The following SLC13A3 variants were observed in gnomAD, a reference collection of about 807,000 sequenced individuals.
The protein encoded by SLC13A3 is solute carrier family 13 member 3.
SLC13A3 carries 40 observed loss-of-function variants against 59.0 expected under a neutral mutation model. The observed-to-expected ratio is 0.68, with a 90% CI of 0.53 to 0.88. The LOEUF is 0.88. SLC13A3 is among the 40% of genes least tolerant of loss of function. The pLI is 0.00. For missense variants in SLC13A3, 699 were observed against 783.2 expected, an observed-to-expected ratio of 0.89 and a Z score of 1.28; for synonymous variants, 317 against 330.3, an observed-to-expected ratio of 0.96 and a Z score of 0.44.
chr20:46,657,925 C>T (rs1739413344), intron 1 of SLC13A3, among the ~76,000 whole-genome samples: 1 of 152,146 alleles, frequency 6.6e-6, no homozygotes, highest in Non-Finnish European at 1.5e-5. Context: ...CCAAACACTT[C>T]CCACCAGGCC....
Position 46,584,134 on chromosome 20 carries a change from C to T in SLC13A3, c.1122-465G>A, listed in dbSNP as rs140916686. On this transcript the variant is annotated intron_variant, in intron 8 of 12. Coordinates refer to ENST00000279027, the MANE Select transcript of SLC13A3 (RefSeq NM_022829.6). Reference sequence around the variant, plus strand: ...CCCAGATTGACCCAGCCTCTTGGCCCCTCAAAACCTAACTGTCACGTTTCA... The same window carrying T: ...CCCAGATTGACCCAGCCTCTTGGCCTCTCAAAACCTAACTGTCACGTTTCA... 13 of 985,296 alleles carry T rather than the reference C, an allele frequency of 1.3e-5. No individual in the cohort carries two copies. The East Asian group carries it at 1.4e-3, about 104-fold the overall frequency. 61.0% of individuals were successfully genotyped at this position (985,296 alleles called of 1,614,324 possible). A position where few individuals can be genotyped will look rare whatever the true frequency, so the allele number is the denominator to read the frequency against.
chr20:46,625,327 T>G (rs148159752), intron 1 of SLC13A3, among the ~76,000 whole-genome samples: 171 of 152,304 alleles, frequency 1.1e-3, no homozygotes, highest in African/African-American at 3.9e-3. Context: ...AGACCATGTT[T>G]GTGTATTAAA....
At position 46,566,446 on chromosome 20, in the gene SLC13A3, C is replaced by G. The variant is rs537824828; in HGVS notation, c.1333-56G>C. 7 of 1,573,230 alleles carry G rather than the reference C, an allele frequency of 4.4e-6. No homozygotes were observed. In the Admixed American group the frequency reaches 6.9e-5, roughly 16 times the overall value. On this transcript the variant is annotated intron_variant, in intron 10 of 12. Transcript: ENST00000279027. ...CAGCCCATCCCCAGCTGCCGCCCCC[C>G]AGAGAGGGTTAGGATAGATCACAAC...
intron 9 of SLC13A3, among the ~76,000 whole-genome samples, chr20:46,581,170 C>T (rs1297542735): frequency 3.3e-5 from 5 of 152,184 alleles, no homozygotes; most frequent in Non-Finnish European, 7.3e-5. Flanking sequence ...CAAGAACCCT[C>T]CCAGACTAAG....
At chr20:46,655,510 T>C (rs757179043), upstream of SLC13A3, among the ~76,000 whole-genome samples, 24 of 147,732 alleles carry the variant, frequency 1.6e-4, no homozygotes, top group Non-Finnish European at 3.0e-4. Flanking sequence ...ATATATATAA[T>C]ATATATTTTT....
At chr20:46,654,616 G>A (rs1160347225), upstream of SLC13A3, among the ~76,000 whole-genome samples, 3 of 151,942 alleles carry the variant, frequency 2.0e-5, no homozygotes, top group South Asian at 4.2e-4. Context: ...TGCAACCTCC[G>A]CCTTCCAGGT....
At chr20:46,655,498 G>GTA (rs921131476), upstream of SLC13A3, among the ~76,000 whole-genome samples, 7 of 146,502 alleles carry the variant, frequency 4.8e-5, no homozygotes, top group East Asian at 3.9e-4. Flanking sequence ...TGTGTGTGTG[G>GTA]TATATATATA....
At chr20:46,566,083 A>G in intron 11 of SLC13A3, 146 bp downstream of exon 11, 1 of 669,898 alleles carries the variant, frequency 1.5e-6, no homozygotes, top group Non-Finnish European at 2.7e-6. Flanking sequence ...TATTTAAAAA[A>G]ATTGTACTGT....
intron 11 of SLC13A3, 73 bp downstream of exon 11, chr20:46,566,156 C>T (rs553591425): frequency 1.5e-5 from 19 of 1,309,142 alleles, no homozygotes; most frequent in East Asian, 2.4e-5. Context: ...CAGTGAAGGT[C>T]CCTTGGCGGG....
At chr20:46,654,919 C>A (rs1157630634), upstream of SLC13A3, among the ~76,000 whole-genome samples, 2 of 152,108 alleles carry the variant, frequency 1.3e-5, no homozygotes, top group East Asian at 1.9e-4. Flanking sequence ...CTTGATTTCC[C>A]CTTGGTTCTT....
chr20:46,655,969 ATATG>A (rs996187061), upstream of SLC13A3, among the ~76,000 whole-genome samples: 9 of 142,396 alleles, frequency 6.3e-5, no homozygotes, highest in African/African-American at 1.3e-4. Context: ...ATATATGTAT[ATATG>A]TATGTATATA....
At chr20:46,621,603 A>T (rs1165134546) in intron 1 of SLC13A3, among the ~76,000 whole-genome samples, 1 of 152,224 alleles carries the variant, frequency 6.6e-6, no homozygotes, top group East Asian at 1.9e-4. Flanking sequence ...GGAATAAAAA[A>T]AAGTTGTGGC....
intron 1 of SLC13A3, among the ~76,000 whole-genome samples, chr20:46,669,531 A>T (rs1344511625): frequency 2.6e-5 from 4 of 152,168 alleles, no homozygotes; most frequent in Non-Finnish European, 4.4e-5. Context: ...ACCCTCAACT[A>T]GACTGTTCCC....
chr20:46,583,834 T>G (rs958550070), intron 8 of SLC13A3, 165 bp from the exon 9 acceptor site: 1 of 985,286 alleles, frequency 1.0e-6, no homozygotes, highest in Non-Finnish European at 1.2e-6. Flanking sequence ...CTCAGCATGG[T>G]GCAAAGCTCT....
chr20:46,653,038 C>CAGAG (rs2062963345), upstream of SLC13A3, among the ~76,000 whole-genome samples: 1 of 152,176 alleles, frequency 6.6e-6, no homozygotes, highest in Admixed American at 6.5e-5. Context: ...GCTAATTTGC[C>CAGAG]ATCTCTATAT....
intron 1 of SLC13A3, among the ~76,000 whole-genome samples, chr20:46,635,043 C>G (rs1239931248): frequency 6.6e-6 from 1 of 152,202 alleles, no homozygotes; most frequent in African/African-American, 2.4e-5. Context: ...TAAATCCCAT[C>G]TGGGCTCTTC....
At chr20:46,682,449 T>A (rs1315447544) in intron 1 of SLC13A3, 1 of 151,820 alleles carries the variant, frequency 6.6e-6, no homozygotes, top group Non-Finnish European at 1.5e-5. Context: ...GCAACTCTAC[T>A]CTGGAACTAC....
intron 6 of SLC13A3, among the ~76,000 whole-genome samples, chr20:46,592,039 T>G (rs1359029604): frequency 2.6e-5 from 4 of 151,762 alleles, no homozygotes; most frequent in Admixed American, 6.6e-5. Flanking sequence ...AGACTCTGTC[T>G]CTACAAAAAA....
chr20:46,595,286 G>A (rs398537), intron 5 of SLC13A3, among the ~76,000 whole-genome samples: 3,092 of 152,300 alleles, frequency 0.02, 100 homozygotes, highest in African/African-American at 0.066. Context: ...GGAGCGGCAC[G>A]TTGTGCAGTT....
Sources: gnomAD v4.1 joint callset for allele counts (sites outside exome capture counted in the v4.1 genomes callset) on GRCh38, gnomAD v4.1.1 for gene constraint, MANE v1.5 for transcripts, NCBI Gene and HGNC (gene_info 2026-07-23, HGNC 2026-07-21) for gene names.